The following STS variants were observed in gnomAD, a reference collection of about 807,000 sequenced individuals.
STS encodes steryl-sulfatase.
In STS, 7 loss-of-function variants were observed where a neutral mutation model predicts 26.8. The observed-to-expected ratio is 0.26, with a 90% confidence interval of 0.15 to 0.49. The LOEUF (loss-of-function observed/expected upper bound fraction) is 0.49. Ranked by LOEUF, STS falls within the 20% of genes least tolerant of loss-of-function variation. The pLI, the probability that STS is intolerant of heterozygous loss-of-function variation, is 0.98. For missense variants in STS, 434 were observed against 465.6 expected, an observed-to-expected ratio of 0.93 and a Z score of 0.63; for synonymous variants, 199 against 189.4, an observed-to-expected ratio of 1.05 and a Z score of -0.42.
intron 2 of STS, among the ~76,000 whole-genome samples, chrX:7,204,372 C>T (rs761170588): frequency 2.7e-5 from 3 of 111,183 alleles, no homozygotes; most frequent in Admixed American, 9.6e-5. Context: ...GAACATTTTC[C>T]ATATTTGTAT....
At chrX:7,234,712 G>A (rs1335329372) in intron 2 of STS, among the ~76,000 whole-genome samples, 1 of 111,726 alleles carries the variant, frequency 9.0e-6, no homozygotes. Flanking sequence ...GCACTTGGAG[G>A]ATGTAAAGAC....
chrX:7,348,092 A>G (rs941082585), intron 10 of STS, among the ~76,000 whole-genome samples: 1 of 111,805 alleles, frequency 8.9e-6, no homozygotes. Context: ...AGAATCAGCT[A>G]TGCCACAGAC....
chrX:7,321,920 C>A (rs191136165), intron 8 of STS, among the ~76,000 whole-genome samples: 1 of 111,934 alleles, frequency 8.9e-6, no homozygotes, highest in Admixed American at 9.4e-5. Flanking sequence ...TGACCTCAGC[C>A]CTGGCCTGTC....
intron 7 of STS, among the ~76,000 whole-genome samples, chrX:7,278,485 C>A (rs1442074038): frequency 8.9e-6 from 1 of 112,256 alleles, no homozygotes; most frequent in Non-Finnish European, 1.9e-5. Flanking sequence ...TTCTCCACTG[C>A]AGGTTTCTCT....
rs1396354283 is a variant in STS at position 7,316,529 on chromosome X, A to G, written c.1082-8810A>G. On this transcript the variant is annotated intron_variant, in intron 8 of 10. Transcript: ENST00000674429. The stretch of plus-strand genomic sequence containing the variant: ...ATTTACTACCTGGCTCTTTAGAGAA[A>G]AAGTTTGCCAACCCTTGACTTAGAT... Among the ~76,000 whole-genome samples, 7 of 112,238 alleles carry G rather than the reference A, an allele frequency of 6.2e-5. No individual in the cohort carries two copies. The Admixed American group carries it at 6.6e-4, about 11-fold the overall frequency.
At chrX:7,163,348 A>G (rs181131368) in intron 1 of STS, among the ~76,000 whole-genome samples, 56 of 112,771 alleles carry the variant, frequency 5.0e-4, no homozygotes, top group African/African-American at 1.7e-3. Flanking sequence ...AAGAACCGGC[A>G]TCTGGGATCA....
In STS at chrX:7,349,985, T is replaced by C; in HGVS notation, c.1461T>C (p.Ser487=). ...FATHVCFCFG[S]YVTHHDPPLL... Reference sequence around the variant, plus strand: ...CACACGTGTGCTTCTGTTTCGGGAGTTATGTCACCCATCACGACCCACCTT... The same window carrying C: ...CACACGTGTGCTTCTGTTTCGGGAGCTATGTCACCCATCACGACCCACCTT... The change falls in exon 11 of 11, where the codon AGT becomes AGC. Residue 487 remains serine, a synonymous_variant. Transcript: ENST00000674429. 8.3e-7 allele frequency: 1 copy of C among 1,211,215 alleles called. No homozygotes were observed. Among genetic ancestry groups the C allele is most frequent in the Non-Finnish European group, 1.1e-6 (1 of 895,350 alleles).
intron 1 of STS, among the ~76,000 whole-genome samples, chrX:7,188,939 A>T (rs775253037): frequency 3.3e-4 from 37 of 111,124 alleles, no homozygotes; most frequent in Non-Finnish European, 7.5e-5. Flanking sequence ...TTGACAGCAC[A>T]CTATTCCATT....
intron 7 of STS, among the ~76,000 whole-genome samples, chrX:7,285,418 G>A (rs752005464): frequency 4.5e-5 from 5 of 111,984 alleles, no homozygotes; most frequent in Non-Finnish European, 7.5e-5. Context: ...CTAACTCAAA[G>A]AGAAAGATTG....
At chrX:7,308,833 C>T (rs1033200687) in intron 8 of STS, among the ~76,000 whole-genome samples, 1 of 111,619 alleles carries the variant, frequency 9.0e-6, no homozygotes, top group African/African-American at 3.3e-5. Flanking sequence ...AAGTAGGCTT[C>T]TGAGTGTCAA....
At chrX:7,259,936 C>T (rs193116183) in intron 6 of STS, among the ~76,000 whole-genome samples, 164 bp downstream of exon 6, 18 of 110,927 alleles carry the variant, frequency 1.6e-4, no homozygotes, top group Non-Finnish European at 3.0e-4. Context: ...AGTGCAGTGG[C>T]GTGATCTCGG....
At chrX:7,241,795 G>A (rs1355650981) in intron 2 of STS, among the ~76,000 whole-genome samples, 3 of 111,922 alleles carry the variant, frequency 2.7e-5, no homozygotes, top group African/African-American at 9.7e-5. Flanking sequence ...TAGCTTCTAC[G>A]TCTCTTTCAG....
At chrX:7,299,985 C>T (rs1296288612) in intron 7 of STS, among the ~76,000 whole-genome samples, 1 of 111,833 alleles carries the variant, frequency 8.9e-6, no homozygotes, top group African/African-American at 3.2e-5. Context: ...CTTTGTAGCT[C>T]AGTGCCTGAC....
intron 2 of STS, among the ~76,000 whole-genome samples, chrX:7,241,268 A>G (rs770426073): frequency 1.8e-5 from 2 of 112,174 alleles, no homozygotes; most frequent in South Asian, 7.4e-4. Context: ...CATTTATTTA[A>G]AAAAATCAAT....
At chrX:7,283,669 A>G (rs1039847585) in intron 7 of STS, among the ~76,000 whole-genome samples, 1 of 110,505 alleles carries the variant, frequency 9.0e-6, no homozygotes, top group South Asian at 3.9e-4. Context: ...AAACTTATTG[A>G]TGATTGAAGT....
chrX:7,327,343 C>A (rs1927526156), intron 9 of STS, among the ~76,000 whole-genome samples: 1 of 109,609 alleles, frequency 9.1e-6, no homozygotes, highest in Non-Finnish European at 1.9e-5. Flanking sequence ...AGATTCTAGA[C>A]CTTTCTAGAC....
chrX:7,246,057 C>T (rs1464951514), intron 2 of STS, among the ~76,000 whole-genome samples: 1 of 112,105 alleles, frequency 8.9e-6, no homozygotes, highest in Non-Finnish European at 1.9e-5. Context: ...GATTTGCCAG[C>T]CAAAGAGTTA....
At chrX:7,205,527 C>T (rs1019298324) in intron 2 of STS, among the ~76,000 whole-genome samples, 3 of 111,858 alleles carry the variant, frequency 2.7e-5, no homozygotes, top group Non-Finnish European at 5.6e-5. Flanking sequence ...GGGGCCAATG[C>T]AACTGTGTCT....
At chrX:7,197,941 A>G (rs898969867) in intron 2 of STS, among the ~76,000 whole-genome samples, 3 of 112,147 alleles carry the variant, frequency 2.7e-5, no homozygotes, top group Non-Finnish European at 5.6e-5. Flanking sequence ...AATAGTTCCA[A>G]TGCCATATTA....
Sources: gnomAD v4.1 joint callset for allele counts (sites outside exome capture counted in the v4.1 genomes callset) on GRCh38, gnomAD v4.1.1 for gene constraint, MANE v1.5 for transcripts, NCBI Gene and HGNC (gene_info 2026-07-23, HGNC 2026-07-21) for gene names.